Variants in NBR1 observed in about 807,000 individuals in gnomAD.
The protein encoded by NBR1 is NBR1 autophagy cargo receptor.
Under a neutral mutation model 115.5 loss-of-function variants are expected in NBR1, and 59 were observed. That is an observed-to-expected ratio of 0.51 (90% CI 0.41 to 0.63). The LOEUF is 0.63. Among genes scored for constraint, NBR1 ranks in the 30% least tolerant of loss-of-function variants. The pLI, the probability that NBR1 is intolerant of heterozygous loss-of-function variation, is 0.00. For missense variants in NBR1, 1,043 were observed against 1,150.5 expected (o/e 0.91, Z 1.35); for synonymous variants, 373 against 414.7 (o/e 0.90, Z 1.22).
At chr17:43,183,039 C>T (rs1456667097) in intron 5 of NBR1, among the ~76,000 whole-genome samples, 1 of 151,564 alleles carries the variant, frequency 6.6e-6, no homozygotes, top group Non-Finnish European at 1.5e-5. Context: ...GCTGGGATTA[C>T]AGGCGTGAGC....
intron 16 of NBR1, among the ~76,000 whole-genome samples, chr17:43,197,497 C>T (rs1450855010): frequency 2.7e-5 from 4 of 148,846 alleles, no homozygotes; most frequent in African/African-American, 7.4e-5. Flanking sequence ...CTAGCCTGGG[C>T]GACAAAGCGA....
At chr17:43,181,129 T>C (rs1168431338) in intron 5 of NBR1, among the ~76,000 whole-genome samples, 1 of 152,208 alleles carries the variant, frequency 6.6e-6, no homozygotes, top group African/African-American at 2.4e-5. Flanking sequence ...GGCCTTGGCC[T>C]CCCAAGTGCT....
intron 20 of NBR1, 57 bp downstream of exon 20, chr17:43,203,843 ATGG>A: frequency 9.2e-7 from 1 of 1,083,784 alleles, no homozygotes; most frequent in Non-Finnish European, 1.4e-6. Context: ...AGTGAAAGTG[ATGG>A]CATCTGTCTG....
intron 20 of NBR1, among the ~76,000 whole-genome samples, chr17:43,205,842 A>G (rs1399404183): frequency 1.4e-5 from 2 of 144,604 alleles, no homozygotes; most frequent in Admixed American, 7.2e-5. Context: ...CACACCACTG[A>G]ACTCCAATGT....
At chr17:43,196,765 G>T (rs2057077557) in intron 15 of NBR1, among the ~76,000 whole-genome samples, 174 bp downstream of exon 15, 1 of 152,056 alleles carries the variant, frequency 6.6e-6, no homozygotes, top group South Asian at 2.1e-4. Context: ...GCTATTCCTT[G>T]GTTTAGTTTT....
At chr17:43,203,622 CT>C (rs1906452351) in intron 19 of NBR1, 58 bp from the exon 20 acceptor site, 3 of 1,079,028 alleles carry the variant, frequency 2.8e-6, no homozygotes. Context: ...CCCAGATTAT[CT>C]TGTAAAAAGG....
chr17:43,203,627 A>T lies in NBR1; in HGVS notation c.2622-54A>T. On this transcript the variant is annotated intron_variant, in intron 19 of 20. Transcript: ENST00000590996. ...AGGATTAGAGCCCAGATTATCTTGT[A>T]AAAAGGTAATGATTTGTGTTTGTTT... is the stretch of plus-strand genomic sequence containing the variant. 3 of 1,118,844 alleles carry T rather than the reference A, an allele frequency of 2.7e-6. 1 individual carries two copies. The South Asian group carries it at 4.2e-5, about 16-fold the overall frequency. 69.3% of individuals were successfully genotyped at this position (1,118,844 alleles called of 1,614,324 possible).
upstream of NBR1, chr17:43,171,196 G>T (rs2056352808): frequency 1.3e-5 from 2 of 152,654 alleles, no homozygotes; most frequent in South Asian, 4.1e-4. Context: ...ACTAGTTACT[G>T]TCTTTATCCG....
At chr17:43,179,808 A>G (rs2056617625) in intron 4 of NBR1, among the ~76,000 whole-genome samples, 1 of 152,212 alleles carries the variant, frequency 6.6e-6, no homozygotes, top group Admixed American at 6.5e-5. Context: ...GCATTTTCCC[A>G]TAGGAACCAT....
intron 12 of NBR1, among the ~76,000 whole-genome samples, chr17:43,193,973 A>G (rs376030700): frequency 3.2e-4 from 49 of 152,302 alleles, no homozygotes; most frequent in African/African-American, 1.2e-3. Flanking sequence ...CTTAACATCC[A>G]TCTCTCCTGA....
intron 5 of NBR1, among the ~76,000 whole-genome samples, chr17:43,185,996 C>T (rs959500724): frequency 4.2e-5 from 6 of 144,318 alleles, no homozygotes; most frequent in South Asian, 2.2e-4. Flanking sequence ...AGCAAAACTC[C>T]GTCTCAAAAA....
chr17:43,195,124 T>A (rs1056580473), intron 14 of NBR1, 85 bp downstream of exon 14: 1 of 1,052,726 alleles, frequency 9.5e-7, no homozygotes, highest in Non-Finnish European at 1.4e-6. Context: ...TGTTTTATTC[T>A]GAGGAAATGG....
intron 20 of NBR1, 86 bp downstream of exon 20, chr17:43,203,872 T>C: frequency 2.7e-6 from 2 of 753,222 alleles, no homozygotes; most frequent in Non-Finnish European, 4.3e-6. Context: ...AAGAGTAACA[T>C]GGCATTGTGG....
chr17:43,203,799 GT>G lies in NBR1; in HGVS notation c.2727+17del. The G allele has an allele frequency of 1.3e-6, 2 of 1,518,014 alleles. No homozygotes were observed. The highest frequency in any genetic ancestry group is 1.8e-6 in the Non-Finnish European group (2 of 1,114,152). 94.0% of individuals were successfully genotyped at this position (1,518,014 alleles called of 1,614,324 possible). Reference sequence around the variant, plus strand: ...AGTCACTGCACAGGTCAGTGTGTGTGTTTTATTTTCCTGAATCTCAACTCCA... The same window carrying G: ...AGTCACTGCACAGGTCAGTGTGTGTGTTTATTTTCCTGAATCTCAACTCCA... On this transcript the variant is annotated intron_variant, in intron 20 of 20. Coordinates refer to ENST00000590996, the MANE Select transcript of NBR1 (RefSeq NM_005899.5).
At chr17:43,189,171 A>G (rs150141129) in intron 7 of NBR1, 52 bp downstream of exon 7, 10 of 1,301,742 alleles carry the variant, frequency 7.7e-6, no homozygotes, top group Non-Finnish European at 1.1e-5. Context: ...CACAGGTGGA[A>G]TGTGGAAGAA....
chr17:43,191,294 G>A (rs147136918), intron 9 of NBR1, 78 bp from the exon 10 acceptor site: 12 of 1,016,130 alleles, frequency 1.2e-5, no homozygotes, highest in Non-Finnish European at 1.6e-5. Flanking sequence ...TGACACTGAT[G>A]GAAATTGCAA....
chr17:43,187,886 CTTTTTTTTT>C (rs66857389), intron 6 of NBR1, among the ~76,000 whole-genome samples: 1 of 58,912 alleles, frequency 1.7e-5, no homozygotes, highest in South Asian at 6.8e-4. Context: ...TTGCATTTCT[CTTTTTTTTT>C]TTTTTTTTTT....
At chr17:43,176,995 G>A (rs1597964418) in intron 2 of NBR1, among the ~76,000 whole-genome samples, 1 of 152,128 alleles carries the variant, frequency 6.6e-6, no homozygotes, top group African/African-American at 2.4e-5. Flanking sequence ...ATTTGGCCAG[G>A]CACAGTGGCA....
chr17:43,187,502 C>CTT (rs71160025), intron 6 of NBR1, among the ~76,000 whole-genome samples: 1,222 of 68,864 alleles, frequency 0.018, 41 homozygotes, highest in Non-Finnish European at 0.022. Context: ...TATTTCCTGA[C>CTT]TTTTTTTTTT....
Sources: allele counts gnomAD v4.1 joint callset (sites outside exome capture counted in the v4.1 genomes callset), GRCh38; gene constraint gnomAD v4.1.1; transcripts MANE v1.5; gene names NCBI Gene and HGNC (gene_info 2026-07-23, HGNC 2026-07-21).